The following PCDHA4 variants were observed in gnomAD, a reference collection of about 807,000 sequenced individuals.
The protein encoded by PCDHA4 is protocadherin alpha 4.
In PCDHA4, 49 loss-of-function variants were observed where a neutral mutation model predicts 61.4. The ratio of observed to expected loss-of-function variants is 0.80; its 90% CI spans 0.63 to 1.01. PCDHA4 has a LOEUF of 1.01. PCDHA4 is among the 50% of genes least tolerant of loss of function. The pLI is 0.00. For missense variants in PCDHA4, 1,254 were observed against 1,235.8 expected (o/e 1.01, Z -0.22); for synonymous variants, 590 against 550.3 (o/e 1.07, Z -1.01).
chr5:140,808,208 G>A lies in PCDHA4; in HGVS notation c.1021G>A (p.Glu341Lys). Residue 341 changes from glutamate (E) to lysine (K), a missense_variant, in exon 1 of 4, where the codon GAA becomes AAA. Transcript: ENST00000530339. ...SGHCRVIVEV[E>K]DNNDNVPDLE... is the part of the protein sequence containing the mutation. ...CCATTGTAGAGTTATTGTGGAAGTA[G>A]AAGACAACAACGATAATGTCCCAGA... 2 of 1,614,260 alleles carry A rather than the reference G, an allele frequency of 1.2e-6. No homozygotes were observed. Among genetic ancestry groups the A allele is most frequent in the Non-Finnish European group, 1.7e-6 (2 of 1,180,036 alleles).
Position 140,807,293 on chromosome 5 carries a change from T to C in PCDHA4, c.106T>C (p.Ser36Pro), listed in dbSNP as rs782145999. The C allele has an allele frequency of 1.2e-6, 2 of 1,614,084 alleles. No individual in the cohort carries two copies. Among genetic ancestry groups the C allele is most frequent in the African/African-American group, 2.7e-5 (2 of 74,928 alleles). Reference protein sequence around the residue: ...AGNGQLHYSVSEEAKHGTFVG... With the variant: ...AGNGQLHYSVPEEAKHGTFVG... ...GAACGGTCAGCTCCACTACTCGGTC[T>C]CCGAGGAGGCCAAACACGGCACCTT... is the stretch of plus-strand genomic sequence containing the variant. Residue 36 changes from serine to proline, a missense_variant, in exon 1 of 4, where the codon TCC (serine) becomes CCC (proline). Transcript: ENST00000530339.
intron 1 of PCDHA4, chr5:140,884,779 G>C: frequency 1.4e-6 from 2 of 1,404,226 alleles, no homozygotes; most frequent in Non-Finnish European, 1.9e-6. Context: ...TTTTAATTTT[G>C]CTAGTTGTTA....
chr5:140,877,224 G>C (rs986695805), intron 1 of PCDHA4: 6 of 1,613,712 alleles, frequency 3.7e-6, no homozygotes, highest in Admixed American at 1.7e-5. Flanking sequence ...TACCGCGGTC[G>C]GTGGGTGCGG....
chr5:140,869,327 T>A, intron 1 of PCDHA4: 1 of 1,613,922 alleles, frequency 6.2e-7, no homozygotes, highest in Middle Eastern at 1.7e-4. Context: ...GGGGACCTTC[T>A]GGAGGTAAAT....
intron 3 of PCDHA4, among the ~76,000 whole-genome samples, chr5:141,001,177 T>G (rs2097996689): frequency 6.6e-6 from 1 of 152,154 alleles, no homozygotes; most frequent in Non-Finnish European, 1.5e-5. Context: ...TAACGAGTTT[T>G]TACTTTGCAC....
At chr5:140,853,121 C>T in intron 1 of PCDHA4, 1 of 518,370 alleles carries the variant, frequency 1.9e-6, no homozygotes, top group Middle Eastern at 9.7e-4. Flanking sequence ...CCTCATGATC[C>T]TCCCGCCTCA....
chr5:140,965,316 T>C (rs1411473254), intron 1 of PCDHA4, among the ~76,000 whole-genome samples: 2 of 152,200 alleles, frequency 1.3e-5, no homozygotes, highest in Admixed American at 6.5e-5. Context: ...CCTTCTCTTT[T>C]ACTGAAGTGA....
chr5:140,947,549 C>T (rs530708816), intron 1 of PCDHA4, among the ~76,000 whole-genome samples: 11 of 151,312 alleles, frequency 7.3e-5, no homozygotes, highest in Admixed American at 2.0e-4. Context: ...CAAAGAATTC[C>T]GCTGGGATTT....
chr5:140,845,731 C>A (rs1420659203), intron 1 of PCDHA4, among the ~76,000 whole-genome samples: 1 of 149,400 alleles, frequency 6.7e-6, no homozygotes, highest in Non-Finnish European at 1.5e-5. Context: ...AATGTGAATT[C>A]TACTTTATAG....
intron 1 of PCDHA4, chr5:140,851,996 G>C: frequency 1.0e-6 from 1 of 976,024 alleles, no homozygotes; most frequent in Non-Finnish European, 1.2e-6. Flanking sequence ...CTATTTGTTT[G>C]TTTTCTAATT....
chr5:141,001,943 A>G (rs1197227753), intron 3 of PCDHA4, among the ~76,000 whole-genome samples: 1 of 147,256 alleles, frequency 6.8e-6, no homozygotes, highest in African/African-American at 2.7e-5. Flanking sequence ...GAGCGGAAAT[A>G]AGGAGGAGGG....
At chr5:140,954,119 C>T (rs547590061) in intron 1 of PCDHA4, among the ~76,000 whole-genome samples, 2 of 152,156 alleles carry the variant, frequency 1.3e-5, no homozygotes, top group African/African-American at 4.8e-5. Flanking sequence ...AGATCTTGTT[C>T]CTTTTTATGG....
intron 1 of PCDHA4, chr5:140,849,762 C>T (rs2150448750): frequency 1.3e-6 from 2 of 1,598,528 alleles, no homozygotes; most frequent in Middle Eastern, 1.7e-4. Flanking sequence ...CGCCTACGAG[C>T]TGGTGGTTAC....
intron 1 of PCDHA4, chr5:140,813,742 T>A (rs1554126321): frequency 6.6e-6 from 1 of 152,378 alleles, no homozygotes; most frequent in Non-Finnish European, 1.5e-5. Flanking sequence ...ATGCCTGTAA[T>A]CCCAGCACTT....
rs374659815 is a variant in PCDHA4 at position 140,871,353 on chromosome 5, G to A, written c.2385+61781G>A. 3.6e-5 allele frequency: 58 copies of A among 1,614,214 alleles called. No homozygotes were observed. The African/African-American group carries it at 5.1e-4, about 14-fold the overall frequency. ...GCGCGGTGGGGAGCTGGTCATACTC[G>A]CAGCAGAGGCGGCAGAGGGTGTGCT... On this transcript the variant is annotated intron_variant, in intron 1 of 3. Coordinates refer to ENST00000530339, the MANE Select transcript of PCDHA4 (RefSeq NM_018907.4).
chr5:140,963,977 C>A (rs1311264244), intron 1 of PCDHA4, among the ~76,000 whole-genome samples: 1 of 152,164 alleles, frequency 6.6e-6, no homozygotes, highest in Non-Finnish European at 1.5e-5. Flanking sequence ...ACTCCAAAGT[C>A]TATATTCCTA....
At chr5:140,875,304 A>G in intron 1 of PCDHA4, 6 of 1,416,398 alleles carry the variant, frequency 4.2e-6, no homozygotes, top group Non-Finnish European at 5.5e-6. Context: ...TTTTCTCCGC[A>G]CCCACATTCC....
At chr5:140,857,471 A>T (rs2044616338) in intron 1 of PCDHA4, 1 of 1,598,536 alleles carries the variant, frequency 6.3e-7, no homozygotes, top group Non-Finnish European at 8.6e-7. Context: ...CCACATCTTC[A>T]CGGTGTCTGC....
chr5:140,899,069 A>G (rs1554188379), intron 1 of PCDHA4, among the ~76,000 whole-genome samples: 1 of 152,164 alleles, frequency 6.6e-6, no homozygotes, highest in Non-Finnish European at 1.5e-5. Flanking sequence ...GAAGTTGCTT[A>G]TCAGCTTAAG....
Sources: allele counts gnomAD v4.1 joint callset (sites outside exome capture counted in the v4.1 genomes callset), GRCh38; gene constraint gnomAD v4.1.1; transcripts MANE v1.5; gene names NCBI Gene and HGNC (gene_info 2026-07-23, HGNC 2026-07-21).